Variants in EPHA6 observed in about 807,000 individuals in gnomAD.
The protein encoded by EPHA6 is ephrin type-A receptor 6.
In EPHA6, 50 loss-of-function variants were observed where a neutral mutation model predicts 112.0. That is an observed-to-expected ratio of 0.45 (90% confidence interval 0.36 to 0.56). The LOEUF is 0.56. Ranked by LOEUF, EPHA6 falls within the 20% of genes least tolerant of loss-of-function variation. The pLI is 0.00. For synonymous variants in EPHA6, 529 were observed against 490.7 expected (o/e 1.08, Z -1.03); for missense variants, 1,280 against 1,417.4 (o/e 0.90, Z 1.56).
rs543389633 is a variant in EPHA6, at chr3:97,501,641, T to C, written c.2200+17582T>C. Among the ~76,000 whole-genome samples, 13 of 152,100 alleles carry C rather than the reference T, an allele frequency of 8.5e-5. 1 individual carries two copies. The South Asian group carries it at 2.7e-3, about 32-fold the overall frequency. ...GAAAATTTCTAGACCTAAATAATAG[T>C]GAAAAAAACTACATCTTAAAACTTA... On this transcript the variant is annotated intron_variant, in intron 10 of 17. Coordinates refer to ENST00000389672, the MANE Select transcript of EPHA6 (RefSeq NM_001080448.3).
At chr3:97,263,898 C>G (rs1300439175) in intron 5 of EPHA6, among the ~76,000 whole-genome samples, 1 of 152,072 alleles carries the variant, frequency 6.6e-6, no homozygotes, top group African/African-American at 2.4e-5. Context: ...TTTTCTGTAC[C>G]AATGCTATTT....
At chr3:97,074,715 G>A (rs959757788) in intron 3 of EPHA6, among the ~76,000 whole-genome samples, 6 of 151,930 alleles carry the variant, frequency 3.9e-5, no homozygotes, top group African/African-American at 1.4e-4. Context: ...AAGAAACAGA[G>A]ATTAATATTA....
rs547948318 is a variant in EPHA6 at position 97,479,314 on chromosome 3, C to T, written c.2024C>T (p.Ala675Val). The change falls in exon 9 of 18, where the codon GCC becomes GTC. Residue 675 changes from alanine to valine, a missense_variant. Ala to Val is a moderately conservative substitution (Grantham distance 64). Coordinates refer to ENST00000389672, the MANE Select transcript of EPHA6 (RefSeq NM_001080448.3). Reference protein sequence around the residue: ...ITGRCQWYIKAKMKSEEKRRN... With the variant: ...ITGRCQWYIKVKMKSEEKRRN... ...AAAAGATGTCAGTGGTACATAAAAG[C>T]CAAGATGAAGTCAGAAGAGAAGAGA... 2.5e-6 allele frequency: 4 copies of T among 1,601,238 alleles called. No individual in the cohort carries two copies. In the African/African-American group the frequency reaches 4.1e-5, roughly 16 times the overall value.
At chr3:97,284,179 A>G (rs2080384754) in intron 5 of EPHA6, among the ~76,000 whole-genome samples, 1 of 152,138 alleles carries the variant, frequency 6.6e-6, no homozygotes, top group Non-Finnish European at 1.5e-5. Context: ...GTGACATCAT[A>G]AACCTATTTT....
At chr3:97,181,416 A>T (rs1331343823) in intron 3 of EPHA6, among the ~76,000 whole-genome samples, 2 of 152,002 alleles carry the variant, frequency 1.3e-5, no homozygotes, top group African/African-American at 4.8e-5. Flanking sequence ...GAGGGGAATG[A>T]TCACTGGAAT....
At chr3:97,519,434 A>G (rs1412657891) in intron 10 of EPHA6, among the ~76,000 whole-genome samples, 1 of 152,148 alleles carries the variant, frequency 6.6e-6, no homozygotes, top group Non-Finnish European at 1.5e-5. Flanking sequence ...CTTCAGCTTT[A>G]TTCTTTTGCT....
chr3:97,481,521 A>G, intron 9 of EPHA6: 2 of 921,594 alleles, frequency 2.2e-6, no homozygotes, highest in Admixed American at 1.8e-5. Context: ...GCGCGGGGCT[A>G]AGTGCAGGCC....
rs543884219 is a variant in EPHA6, at chr3:97,514,869, G to T, written c.2201-17489G>T. On this transcript the variant is annotated intron_variant, in intron 10 of 17. Transcript: ENST00000389672. ...AGAGCTCTTATCAGGAGCCGAACTG[G>T]CCAGCACCTCCATCTAGCACTTCCC... Among the ~76,000 whole-genome samples, 159 of 152,256 alleles carry T rather than the reference G, an allele frequency of 1.0e-3. 1 individual carries two copies. The highest frequency in any genetic ancestry group is 3.4e-3 in the African/African-American group (143 of 41,574).
chr3:97,566,976 C>T (rs922266779), intron 11 of EPHA6, among the ~76,000 whole-genome samples: 2 of 152,124 alleles, frequency 1.3e-5, no homozygotes, highest in African/African-American at 4.8e-5. Flanking sequence ...TCCATCCCTA[C>T]CAAATAGAAA....
At chr3:97,322,463 C>G (rs915583566) in intron 5 of EPHA6, among the ~76,000 whole-genome samples, 1 of 151,958 alleles carries the variant, frequency 6.6e-6, no homozygotes, top group Non-Finnish European at 1.5e-5. Flanking sequence ...AAGTTACCCA[C>G]TATTCTCAAA....
chr3:97,459,101 T>C (rs2090798010), intron 7 of EPHA6, among the ~76,000 whole-genome samples: 1 of 152,150 alleles, frequency 6.6e-6, no homozygotes, highest in African/African-American at 2.4e-5. Context: ...AGGGGTGCAG[T>C]GAGGGTTGAG....
intron 5 of EPHA6, among the ~76,000 whole-genome samples, chr3:97,390,030 G>T (rs2086308120): frequency 2.0e-5 from 3 of 152,062 alleles, no homozygotes; most frequent in Admixed American, 1.3e-4. Flanking sequence ...GGCTCAGCCA[G>T]GTGTTACTTT....
chr3:97,097,023 A>G (rs2047260845), intron 3 of EPHA6, among the ~76,000 whole-genome samples: 1 of 151,752 alleles, frequency 6.6e-6, no homozygotes, highest in South Asian at 2.1e-4. Context: ...TCCAAAACAA[A>G]AAAATCCAAT....
chr3:97,448,823 A>T, intron 7 of EPHA6, 93 bp downstream of exon 7: 1 of 1,185,298 alleles, frequency 8.4e-7, no homozygotes, highest in Non-Finnish European at 1.2e-6. Flanking sequence ...CAAGTTTTTA[A>T]TAGCTTGTTT....
chr3:96,915,716 AGCAATT>A (rs1409778661), intron 2 of EPHA6, among the ~76,000 whole-genome samples: 1 of 152,128 alleles, frequency 6.6e-6, no homozygotes, highest in Non-Finnish European at 1.5e-5. Context: ...TGATAATCAT[AGCAATT>A]GCAGCAGCAG....
chr3:97,161,166 G>A (rs933437762), intron 3 of EPHA6, among the ~76,000 whole-genome samples: 1 of 152,168 alleles, frequency 6.6e-6, no homozygotes, highest in East Asian at 1.9e-4. Context: ...TTTATTATGA[G>A]CATCTCAAAT....
In EPHA6 at chr3:96,987,981, G is replaced by A; in HGVS notation, c.1102G>A (p.Gly368Ser). The change falls in exon 3 of 18, where the codon GGT (glycine) becomes AGT (serine). Residue 368 changes from glycine to serine, a missense_variant. Gly to Ser is a moderately conservative substitution (Grantham distance 56). Transcript: ENST00000389672. ...ICSTGYEEIE[G>S]SCHACRPGFY... Reference sequence around the variant, plus strand: ...CAGTACAGGATATGAAGAAATTGAGGGTTCTTGCCATGGTAAGAAACAAAC... The same window carrying A: ...CAGTACAGGATATGAAGAAATTGAGAGTTCTTGCCATGGTAAGAAACAAAC... The A allele has an allele frequency of 1.3e-6, 2 of 1,538,408 alleles. No homozygotes were observed. Among genetic ancestry groups the A allele is most frequent in the East Asian group, 2.3e-5 (1 of 43,082 alleles).
At chr3:97,719,890 A>C (rs963790070) in intron 14 of EPHA6, among the ~76,000 whole-genome samples, 6 of 152,182 alleles carry the variant, frequency 3.9e-5, no homozygotes, top group African/African-American at 1.4e-4. Context: ...ATTATTTATA[A>C]ATGCAATACA....
At chr3:97,061,931 C>G (rs181229071) in intron 3 of EPHA6, among the ~76,000 whole-genome samples, 12 of 152,132 alleles carry the variant, frequency 7.9e-5, no homozygotes, top group Non-Finnish European at 4.4e-5. Flanking sequence ...AGAAAGAAAA[C>G]AAAAATTATA....
Sources: allele counts gnomAD v4.1 joint callset (sites outside exome capture counted in the v4.1 genomes callset), GRCh38; gene constraint gnomAD v4.1.1; transcripts MANE v1.5; gene names NCBI Gene and HGNC (gene_info 2026-07-23, HGNC 2026-07-21).